Variants in COL8A1 observed in about 807,000 individuals in gnomAD.
COL8A1 encodes the protein collagen alpha-1(VIII) chain.
A neutral mutation model predicts 42.7 loss-of-function variants in COL8A1; 21 were observed. That is an observed-to-expected ratio of 0.49 (90% confidence interval 0.35 to 0.71). The LOEUF is 0.71. Ranked by LOEUF, COL8A1 falls within the 30% of genes least tolerant of loss-of-function variation. COL8A1 has a pLI of 0.01. For missense variants in COL8A1, 788 were observed against 962.4 expected, an observed-to-expected ratio of 0.82 and a Z score of 2.40; for synonymous variants, 367 against 369.1, an observed-to-expected ratio of 0.99 and a Z score of 0.06.
chr3:99,772,509 C>T (rs1032571466), intron 2 of COL8A1, among the ~76,000 whole-genome samples: 6 of 151,926 alleles, frequency 3.9e-5, no homozygotes, highest in East Asian at 1.9e-4. Flanking sequence ...TGCAACATTG[C>T]GGAGCAGGAT....
At chr3:99,727,551 C>A (rs1940371080) in intron 1 of COL8A1, among the ~76,000 whole-genome samples, 1 of 151,916 alleles carries the variant, frequency 6.6e-6, no homozygotes, top group Non-Finnish European at 1.5e-5. Context: ...TTCCCAGCAC[C>A]ATTTATTAAA....
chr3:99,774,137 G>A (rs974499421), intron 2 of COL8A1, among the ~76,000 whole-genome samples: 4 of 150,986 alleles, frequency 2.6e-5, no homozygotes, highest in African/African-American at 9.8e-5. Context: ...GAGCCACCAC[G>A]CCCAACCCGA....
intron 1 of COL8A1, among the ~76,000 whole-genome samples, chr3:99,641,581 C>G (rs1033377136): frequency 6.6e-6 from 1 of 152,162 alleles, no homozygotes; most frequent in African/African-American, 2.4e-5. Flanking sequence ...AACCCTAAGT[C>G]TCCTGAAAAG....
chr3:99,729,734 G>A (rs1308437409), intron 1 of COL8A1, among the ~76,000 whole-genome samples: 1 of 152,020 alleles, frequency 6.6e-6, no homozygotes, highest in African/African-American at 2.4e-5. Flanking sequence ...TCCTTCAGAT[G>A]GGTAAAGAAA....
chr3:99,766,842 G>A (rs1350754178), intron 2 of COL8A1, among the ~76,000 whole-genome samples: 4 of 152,060 alleles, frequency 2.6e-5, no homozygotes, highest in East Asian at 3.9e-4. Context: ...CCAGCTACTC[G>A]GGAGTCTGAG....
chr3:99,668,021 T>A (rs1462905069), intron 1 of COL8A1, among the ~76,000 whole-genome samples: 1 of 152,068 alleles, frequency 6.6e-6, no homozygotes, highest in Non-Finnish European at 1.5e-5. Flanking sequence ...TCCATCAGCA[T>A]TTGAGTTAAT....
chr3:99,693,370 G>A (rs1939278489), intron 1 of COL8A1, among the ~76,000 whole-genome samples: 1 of 152,192 alleles, frequency 6.6e-6, no homozygotes, highest in South Asian at 2.1e-4. Flanking sequence ...GCCTCAGGCA[G>A]GTTTTCCAAA....
At chr3:99,785,025 T>C (rs1941865768) in intron 2 of COL8A1, among the ~76,000 whole-genome samples, 1 of 152,206 alleles carries the variant, frequency 6.6e-6, no homozygotes, top group Admixed American at 6.5e-5. Flanking sequence ...GACCAAGTTT[T>C]GGGATTCATT....
intron 2 of COL8A1, among the ~76,000 whole-genome samples, chr3:99,790,261 A>T (rs1410462205): frequency 6.6e-6 from 1 of 152,206 alleles, no homozygotes; most frequent in Admixed American, 6.5e-5. Context: ...GGGAAGACAT[A>T]TCCACTCCTT....
chr3:99,755,779 G>A (rs576927592), intron 2 of COL8A1, among the ~76,000 whole-genome samples: 12 of 152,296 alleles, frequency 7.9e-5, no homozygotes, highest in African/African-American at 2.6e-4. Flanking sequence ...ATGGCAAGAA[G>A]ACCACTGGCC....
At chr3:99,764,984 AGGGATTGATG>A (rs1941434470) in intron 2 of COL8A1, among the ~76,000 whole-genome samples, 1 of 152,146 alleles carries the variant, frequency 6.6e-6, no homozygotes. Context: ...GCATTTTTTA[AGGGATTGATG>A]AAGTTGTTAA....
intron 2 of COL8A1, among the ~76,000 whole-genome samples, chr3:99,746,060 C>A (rs1178067801): frequency 1.3e-5 from 2 of 151,952 alleles, no homozygotes; most frequent in Non-Finnish European, 2.9e-5. Context: ...TTTTCTTGTT[C>A]TTTTTGGGAC....
intron 2 of COL8A1, among the ~76,000 whole-genome samples, chr3:99,767,777 A>G (rs1280563343): frequency 6.6e-6 from 1 of 152,238 alleles, no homozygotes; most frequent in Non-Finnish European, 1.5e-5. Flanking sequence ...GAGGTGTAAG[A>G]TATTATAAAA....
intron 1 of COL8A1, among the ~76,000 whole-genome samples, chr3:99,705,103 T>G (rs923550132): frequency 1.4e-4 from 22 of 152,196 alleles, no homozygotes; most frequent in African/African-American, 5.1e-4. Flanking sequence ...CACCTTTTTT[T>G]CTTCTGGCCT....
At chr3:99,730,012 A>C (rs1940454092) in intron 1 of COL8A1, among the ~76,000 whole-genome samples, 1 of 152,130 alleles carries the variant, frequency 6.6e-6, no homozygotes, top group African/African-American at 2.4e-5. Flanking sequence ...CAGTAAAATA[A>C]AATACAGCAT....
chr3:99,713,763 T>C (rs1480954164), intron 1 of COL8A1, among the ~76,000 whole-genome samples: 6 of 147,636 alleles, frequency 4.1e-5, no homozygotes, highest in South Asian at 2.2e-4. Flanking sequence ...AAGAGTATTA[T>C]AAGTTCTGGG....
chr3:99,778,379 G>A (rs1941733590), intron 2 of COL8A1, among the ~76,000 whole-genome samples: 1 of 152,196 alleles, frequency 6.6e-6, no homozygotes, highest in Non-Finnish European at 1.5e-5. Context: ...TGTAGAGAGA[G>A]AGAGAACTTC....
Position 99,713,860 on chromosome 3 carries a change from GC to G in COL8A1, c.-128-31033del, listed in dbSNP as rs953738333. ...GTAGTTGCACAAGAGGAGCCAACTTGCCCCAGGCTGGCCACTGGAGGATTTA... is the reference window on the plus strand; with the variant it reads ...GTAGTTGCACAAGAGGAGCCAACTTGCCCAGGCTGGCCACTGGAGGATTTA... On this transcript the variant is annotated intron_variant, in intron 1 of 3. Transcript: ENST00000652472. 2.0e-4 allele frequency among the ~76,000 whole-genome samples: 31 copies of G among 152,106 alleles called. 1 individual carries two copies. The highest frequency in any genetic ancestry group is 1.3e-4 in the Non-Finnish European group (9 of 67,986).
intron 1 of COL8A1, among the ~76,000 whole-genome samples, chr3:99,733,915 T>C (rs1429673900): frequency 6.6e-6 from 1 of 152,186 alleles, no homozygotes; most frequent in South Asian, 2.1e-4. Flanking sequence ...ATGAGCATTT[T>C]CTCATGTGTT....
Sources: allele counts gnomAD v4.1 joint callset (sites outside exome capture counted in the v4.1 genomes callset), GRCh38; gene constraint gnomAD v4.1.1; transcripts MANE v1.5; gene names NCBI Gene and HGNC (gene_info 2026-07-23, HGNC 2026-07-21).